MAGI2: variants seen among roughly 807,000 people sequenced by gnomAD.
MAGI2 encodes membrane-associated guanylate kinase, WW and PDZ domain-containing protein 2.
A neutral mutation model predicts 133.3 loss-of-function variants in MAGI2; 35 were observed. That is an observed-to-expected ratio of 0.26 (90% confidence interval 0.20 to 0.35). MAGI2 has a LOEUF of 0.35. Among genes scored for constraint, MAGI2 ranks in the 10% least tolerant of loss-of-function variants. MAGI2 has a pLI of 1.00. For synonymous variants in MAGI2, 729 were observed against 710.6 expected (o/e 1.03, Z -0.41); for missense variants, 1,636 against 1,863.4 (o/e 0.88, Z 2.25).
chr7:78,123,196 T>C (rs1157108378), intron 20 of MAGI2, among the ~76,000 whole-genome samples: 1 of 152,202 alleles, frequency 6.6e-6, no homozygotes, highest in Non-Finnish European at 1.5e-5. Flanking sequence ...CAACTTTTAA[T>C]ACATCAGTAT....
At chr7:79,253,398 T>C (rs898658209) in intron 1 of MAGI2, among the ~76,000 whole-genome samples, 8 of 152,264 alleles carry the variant, frequency 5.3e-5, no homozygotes, top group African/African-American at 1.9e-4. Context: ...ATCCCAGCAC[T>C]TTGGGTGGCC....
intron 19 of MAGI2, among the ~76,000 whole-genome samples, chr7:78,126,513 A>G (rs968709875): frequency 2.6e-5 from 4 of 152,252 alleles, no homozygotes; most frequent in Admixed American, 2.6e-4. Flanking sequence ...TTTTCTAGAT[A>G]CCAAACTCTG....
At chr7:79,273,568 T>C (rs1053109405) in intron 1 of MAGI2, among the ~76,000 whole-genome samples, 2 of 152,138 alleles carry the variant, frequency 1.3e-5, no homozygotes, top group African/African-American at 4.8e-5. Context: ...AGCCTGAACC[T>C]GGCCATTTTG....
intron 1 of MAGI2, among the ~76,000 whole-genome samples, chr7:79,121,490 C>A (rs929374809): frequency 2.6e-5 from 4 of 152,050 alleles, no homozygotes; most frequent in African/African-American, 7.2e-5. Context: ...CGCTAGGTAG[C>A]ATTTCAGAGC....
intron 2 of MAGI2, among the ~76,000 whole-genome samples, chr7:78,816,718 A>G (rs1789613804): frequency 6.6e-6 from 1 of 152,280 alleles, no homozygotes; most frequent in East Asian, 1.9e-4. Context: ...CCCACTGTTG[A>G]GAACTACTGC....
rs1171404161 is a variant in MAGI2, at chr7:78,292,279, TAC to T, written c.1409-35700_1409-35699del. Reference sequence around the variant, plus strand: ...TCTGCAAAAATCACAAGCATTCTTATACACCAATAACAGACAAACAGAGAGTC... The same window carrying T: ...TCTGCAAAAATCACAAGCATTCTTATACCAATAACAGACAAACAGAGAGTC... On this transcript the variant is annotated intron_variant, in intron 9 of 21. Transcript: ENST00000354212. Among the ~76,000 whole-genome samples, 4 of 152,310 alleles carry T rather than the reference TAC, an allele frequency of 2.6e-5. No homozygotes were observed. The East Asian group carries it at 7.7e-4, about 29-fold the overall frequency.
intron 21 of MAGI2, chr7:78,026,037 C>T (rs917054406): frequency 6.6e-6 from 1 of 152,530 alleles, no homozygotes; most frequent in African/African-American, 2.4e-5. Context: ...AGAAGCAAGC[C>T]CCTCTCCTAA....
At chr7:79,111,850 G>A (rs1818953299) in intron 1 of MAGI2, among the ~76,000 whole-genome samples, 1 of 151,962 alleles carries the variant, frequency 6.6e-6, no homozygotes, top group Non-Finnish European at 1.5e-5. Flanking sequence ...GTATTTTTTA[G>A]TACAGACGGG....
chr7:79,364,575 C>A (rs1219321322), intron 1 of MAGI2, among the ~76,000 whole-genome samples: 1 of 151,922 alleles, frequency 6.6e-6, no homozygotes, highest in Non-Finnish European at 1.5e-5. Context: ...GACTGAGGGT[C>A]TTGGGTGAAG....
At chr7:79,292,770 CAAAAAAAAAA>C (rs199933554) in intron 1 of MAGI2, among the ~76,000 whole-genome samples, 50 of 57,406 alleles carry the variant, frequency 8.7e-4, no homozygotes, top group Non-Finnish European at 1.4e-3. Flanking sequence ...TCAATTTCTG[CAAAAAAAAAA>C]AAAAAAAAAA....
At chr7:79,432,103 T>C (rs1847817122) in intron 1 of MAGI2, among the ~76,000 whole-genome samples, 1 of 152,164 alleles carries the variant, frequency 6.6e-6, no homozygotes, top group African/African-American at 2.4e-5. Context: ...CTGAGGACAG[T>C]GGAAAACAAG....
chr7:78,140,095 A>G (rs2150554263), intron 16 of MAGI2, among the ~76,000 whole-genome samples: 1 of 152,280 alleles, frequency 6.6e-6, no homozygotes, highest in Middle Eastern at 3.4e-3. Flanking sequence ...GGGACCTTGT[A>G]TAGTCTACTC....
intron 11 of MAGI2, among the ~76,000 whole-genome samples, chr7:78,200,517 A>T (rs562432061): frequency 1.7e-4 from 26 of 152,284 alleles, no homozygotes; most frequent in Non-Finnish European, 3.1e-4. Context: ...AGTGCTTGTC[A>T]GGTTTGGCAG....
At chr7:78,759,431 T>A (rs1026176292) in intron 2 of MAGI2, among the ~76,000 whole-genome samples, 2 of 152,204 alleles carry the variant, frequency 1.3e-5, no homozygotes, top group South Asian at 2.1e-4. Flanking sequence ...ACAAATAATT[T>A]TTTTTCACAG....
chr7:78,280,799 C>T (rs1022152411), intron 9 of MAGI2, among the ~76,000 whole-genome samples: 2 of 145,104 alleles, frequency 1.4e-5, no homozygotes, highest in South Asian at 2.2e-4. Flanking sequence ...GTCCCTCCCC[C>T]GACCATCTGC....
chr7:79,421,286 A>G (rs1846940282), intron 1 of MAGI2, among the ~76,000 whole-genome samples: 1 of 140,754 alleles, frequency 7.1e-6, no homozygotes, highest in Admixed American at 6.7e-5. Context: ...ATATTTATTA[A>G]TTGAATCCAT....
chr7:78,269,089 C>G (rs553011913), intron 9 of MAGI2, among the ~76,000 whole-genome samples: 7 of 152,232 alleles, frequency 4.6e-5, no homozygotes, highest in African/African-American at 1.7e-4. Flanking sequence ...TCTAGTTCAT[C>G]CACGTCCCTG....
chr7:78,296,441 T>TTGAG (rs2151058388), intron 9 of MAGI2, among the ~76,000 whole-genome samples: 1 of 152,300 alleles, frequency 6.6e-6, no homozygotes, highest in South Asian at 2.1e-4. Context: ...CAGACATTTC[T>TTGAG]TGAGTATTCT....
intron 2 of MAGI2, among the ~76,000 whole-genome samples, chr7:78,947,297 C>G (rs550871225): frequency 6.6e-6 from 1 of 152,078 alleles, no homozygotes; most frequent in Non-Finnish European, 1.5e-5. Context: ...CACCCAAATA[C>G]GTGACACATT....
Sources: gnomAD v4.1 joint callset for allele counts (sites outside exome capture counted in the v4.1 genomes callset) on GRCh38, gnomAD v4.1.1 for gene constraint, MANE v1.5 for transcripts, NCBI Gene and HGNC (gene_info 2026-07-23, HGNC 2026-07-21) for gene names.